TEX9: variants seen among roughly 807,000 people sequenced by gnomAD.
TEX9 encodes the protein testis expressed 9.
Under a neutral mutation model 59.6 loss-of-function variants are expected in TEX9, and 74 were observed. The ratio of observed to expected loss-of-function variants is 1.24; its 90% confidence interval spans 1.03 to 1.51. TEX9 has a LOEUF of 1.51. Among genes scored for constraint, TEX9 ranks in the 40% most tolerant of loss-of-function variants. The pLI, the probability that TEX9 is intolerant of heterozygous loss-of-function variation, is 0.00. For missense variants in TEX9, 522 were observed against 447.8 expected (o/e 1.17, Z -1.49); for synonymous variants, 186 against 152.2 (o/e 1.22, Z -1.64).
chr15:56,334,271 A>G (rs767695755), intron 1 of TEX9, among the ~76,000 whole-genome samples: 19 of 152,200 alleles, frequency 1.2e-4, no homozygotes, highest in Non-Finnish European at 2.5e-4. Flanking sequence ...CTACAGAGCT[A>G]TTGTAACCAA....
intron 4 of TEX9, among the ~76,000 whole-genome samples, chr15:56,386,975 G>A (rs1567114475): frequency 1.3e-5 from 2 of 151,732 alleles, no homozygotes; most frequent in Non-Finnish European, 2.9e-5. Context: ...TAATTAGGAA[G>A]AATATATTTT....
chr15:56,434,430 A>G (rs1246963453), intron 12 of TEX9: 1 of 1,568,978 alleles, frequency 6.4e-7, no homozygotes, highest in African/African-American at 1.4e-5. Flanking sequence ...TTTAGTAACT[A>G]TTTCCTTACA....
At chr15:56,455,284 G>C in the TEX9 span, among the ~76,000 whole-genome samples, 1 of 142,426 alleles carries the variant, frequency 7.0e-6, no homozygotes, top group African/African-American at 2.6e-5. Context: ...ATGAGTAACA[G>C]CTAATGATGG....
At chr15:56,277,772 A>G (rs2141435870) in intron 1 of TEX9, among the ~76,000 whole-genome samples, 1 of 152,336 alleles carries the variant, frequency 6.6e-6, no homozygotes, top group Middle Eastern at 3.4e-3. Context: ...CACAGTTAGA[A>G]TGTGTTGAAG....
At chr15:56,286,815 C>T (rs1236306146) in intron 1 of TEX9, among the ~76,000 whole-genome samples, 2 of 152,176 alleles carry the variant, frequency 1.3e-5, no homozygotes, top group Non-Finnish European at 2.9e-5. Flanking sequence ...TTAGTTCTCA[C>T]ATTTTCCCCA....
chr15:56,290,331 G>A (rs2045059263), intron 1 of TEX9, among the ~76,000 whole-genome samples: 1 of 152,122 alleles, frequency 6.6e-6, no homozygotes, highest in Non-Finnish European at 1.5e-5. Context: ...TGTAGAACAG[G>A]CTGCTAGGGA....
intron 11 of TEX9, 74 bp downstream of exon 11, chr15:56,427,813 TTAGG>T (rs2050383789): frequency 8.2e-7 from 1 of 1,212,418 alleles, no homozygotes; most frequent in East Asian, 2.8e-5. Flanking sequence ...ATTTTTCACT[TTAGG>T]TATGTTTTTG....
At chr15:56,281,859 C>T (rs1233033398) in intron 1 of TEX9, among the ~76,000 whole-genome samples, 1 of 152,140 alleles carries the variant, frequency 6.6e-6, no homozygotes, top group Admixed American at 6.5e-5. Flanking sequence ...GTTTGAGGCA[C>T]TTGATTCATC....
At chr15:56,336,447 A>G (rs1258436958) in intron 1 of TEX9, among the ~76,000 whole-genome samples, 2 of 152,130 alleles carry the variant, frequency 1.3e-5, no homozygotes, top group Non-Finnish European at 2.9e-5. Context: ...TATCTCCCAG[A>G]TTACCAAATT....
At chr15:56,283,284 C>T (rs377278709) in intron 1 of TEX9, among the ~76,000 whole-genome samples, 13 of 152,044 alleles carry the variant, frequency 8.6e-5, no homozygotes, top group East Asian at 5.8e-4. Context: ...TGGTTTAAAA[C>T]GCATGCAATC....
At chr15:56,325,443 A>C (rs1204051488) in intron 1 of TEX9, among the ~76,000 whole-genome samples, 1 of 152,142 alleles carries the variant, frequency 6.6e-6, no homozygotes, top group African/African-American at 2.4e-5. Flanking sequence ...AGGCATTAGC[A>C]AAACACTTCC....
chr15:56,347,938 A>C (rs1184217562), intron 1 of TEX9, among the ~76,000 whole-genome samples: 1 of 152,062 alleles, frequency 6.6e-6, no homozygotes, highest in Non-Finnish European at 1.5e-5. Flanking sequence ...AATCCAATTT[A>C]AATATGGGCA....
At chr15:56,249,285 G>C (rs542466595) in intron 1 of TEX9, among the ~76,000 whole-genome samples, 1 of 152,132 alleles carries the variant, frequency 6.6e-6, no homozygotes, top group Admixed American at 6.5e-5. Flanking sequence ...ACTCCAGGGG[G>C]CACCATTCAC....
At chr15:56,302,226 G>A (rs1017960901) in intron 1 of TEX9, among the ~76,000 whole-genome samples, 1 of 151,956 alleles carries the variant, frequency 6.6e-6, no homozygotes, top group Admixed American at 6.6e-5. Flanking sequence ...AGTGGCTCAT[G>A]CCTTTAATCC....
In TEX9 at chr15:56,412,387, A is replaced by C. The variant is rs372422031; in HGVS notation, c.914A>C (p.Glu305Ala). The C allele has an allele frequency of 4.3e-6, 7 of 1,613,136 alleles. No homozygotes were observed. The East Asian group carries it at 8.9e-5, about 21-fold the overall frequency. Residue 305 changes from glutamate (E) to alanine (A), a missense_variant, in exon 10 of 13, where the codon GAA becomes GCA. Glu to Ala is a moderately radical substitution (Grantham distance 107). Coordinates refer to ENST00000352903, the Ensembl canonical transcript of TEX9. Reference sequence around the variant, plus strand: ...GTTCGCTTGAATAGAGCTCTAGAAGAAGCAGAAAAGTATAAACTGGAGTTA... The same window carrying C: ...GTTCGCTTGAATAGAGCTCTAGAAGCAGCAGAAAAGTATAAACTGGAGTTA...
intron 12 of TEX9, chr15:56,443,892 A>T (rs76205099): frequency 1.4e-6 from 2 of 1,391,666 alleles, no homozygotes; most frequent in Non-Finnish European, 1.9e-6. Flanking sequence ...ATAGTAAACA[A>T]TAAAATATAA....
intron 10 of TEX9, among the ~76,000 whole-genome samples, chr15:56,424,144 A>G (rs761094981): frequency 2.0e-5 from 3 of 152,074 alleles, no homozygotes; most frequent in Non-Finnish European, 4.4e-5. Flanking sequence ...TGCTTGCTTC[A>G]TATATTTAGG....
At chr15:56,308,842 A>G (rs950488511) in intron 1 of TEX9, among the ~76,000 whole-genome samples, 15 of 152,192 alleles carry the variant, frequency 9.9e-5, no homozygotes, top group Admixed American at 6.5e-4. Context: ...ACTATTGCTG[A>G]AAATCAATTG....
At chr15:56,381,228 A>G (rs780751453) in intron 3 of TEX9, among the ~76,000 whole-genome samples, 1 of 151,850 alleles carries the variant, frequency 6.6e-6, no homozygotes, top group Non-Finnish European at 1.5e-5. Flanking sequence ...TGCATTTTTA[A>G]CTCCAGAATT....
Sources: gnomAD v4.1 joint callset for allele counts (sites outside exome capture counted in the v4.1 genomes callset) on GRCh38, gnomAD v4.1.1 for gene constraint, MANE v1.5 for transcripts, NCBI Gene and HGNC (gene_info 2026-07-23, HGNC 2026-07-21) for gene names.